Variants in PZP observed in about 807,000 individuals in gnomAD.
The protein encoded by PZP is pregnancy zone protein.
A neutral mutation model predicts 179.8 loss-of-function variants in PZP; 150 were observed. That is an observed-to-expected ratio of 0.83 (90% CI 0.73 to 0.96). The LOEUF (loss-of-function observed/expected upper bound fraction) is 0.96, where lower values mean the gene tolerates loss of function less well. Ranked by LOEUF, PZP falls within the 40% of genes least tolerant of loss-of-function variation. PZP has a pLI of 0.00. For missense variants in PZP, 1,689 were observed against 1,764.0 expected (o/e 0.96, Z 0.76); for synonymous variants, 624 against 652.3 (o/e 0.96, Z 0.66).
In PZP at chr12:9,154,753, C is replaced by G. The variant is rs1940621677; in HGVS notation, c.3637G>C (p.Glu1213Gln). Reference sequence around the variant, plus strand: ...GCGAGGAGCACATAGGATGTCATCTCCACCTCAGCAGAGGGAGCCTGGGTT... The same window carrying G: ...GCGAGGAGCACATAGGATGTCATCTGCACCTCAGCAGAGGGAGCCTGGGTT... ...YQTQAPSAEVEMTSYVLLAYL... is the reference protein window; with the variant it reads ...YQTQAPSAEVQMTSYVLLAYL... Residue 1213 changes from glutamate (E) to glutamine (Q), a missense_variant, in exon 29 of 36, where the codon GAG becomes CAG. Physicochemically the swap from Glu to Gln is conservative, Grantham distance 29. Coordinates refer to ENST00000261336, the MANE Select transcript of PZP (RefSeq NM_002864.3). 5 of 1,613,984 alleles carry G rather than the reference C, an allele frequency of 3.1e-6. No individual in the cohort carries two copies. The highest frequency in any genetic ancestry group is 1.3e-5 in the African/African-American group (1 of 74,896).
In PZP at chr12:9,161,122, G is replaced by C. The variant is rs1941172749; in HGVS notation, c.2789-6C>G. 1 of 1,550,026 alleles carries C rather than the reference G, an allele frequency of 6.5e-7. No homozygotes were observed. Reference sequence around the variant, plus strand: ...CTGCTCAGACACATTAGCACCTTTAGAAACAGACAGCCCATGTTAAAGGAG... The same window carrying C: ...CTGCTCAGACACATTAGCACCTTTACAAACAGACAGCCCATGTTAAAGGAG... On this transcript the variant is annotated splice_polypyrimidine_tract_variant and splice_region_variant and intron_variant, in intron 22 of 35. Coordinates refer to ENST00000261336, the MANE Select transcript of PZP (RefSeq NM_002864.3).
chr12:9,175,812 T>G (rs1942323657), intron 15 of PZP, among the ~76,000 whole-genome samples: 1 of 152,038 alleles, frequency 6.6e-6, no homozygotes, highest in Non-Finnish European at 1.5e-5. Flanking sequence ...AAACAACAGA[T>G]GCTGATGAGG....
chr12:9,186,844 C>T (rs1313151055), intron 13 of PZP, among the ~76,000 whole-genome samples: 1 of 120,142 alleles, frequency 8.3e-6, no homozygotes, highest in Non-Finnish European at 1.7e-5. Context: ...CACACTGGGG[C>T]CTGTCGGGGG....
chr12:9,205,563 T>A (rs1165058181), intron 1 of PZP, among the ~76,000 whole-genome samples: 1 of 152,172 alleles, frequency 6.6e-6, no homozygotes, highest in Non-Finnish European at 1.5e-5. Flanking sequence ...CCTGCCCCCA[T>A]GCCAAATCAG....
At position 9,166,132 on chromosome 12, in the gene PZP, A is replaced by G. The variant is rs769087192; in HGVS notation, c.2178T>C (p.Asn726=). The G allele has an allele frequency of 6.2e-7, 1 of 1,614,060 alleles. No homozygotes were observed. Reference sequence around the variant, plus strand: ...CAGGGACTGGCCCTGAACTTTGTTCATTATTTAAGGGTATCACATTATATG... The same window carrying G: ...CAGGGACTGGCCCTGAACTTTGTTCGTTATTTAAGGGTATCACATTATATG... ...LGTYNVIPLN[N]EQSSGPVPET... The change falls in exon 18 of 36, where the codon AAT becomes AAC. Residue 726 remains asparagine, a synonymous_variant. Coordinates refer to ENST00000261336, the MANE Select transcript of PZP (RefSeq NM_002864.3).
chr12:9,206,249 T>C (rs900667112), intron 1 of PZP, among the ~76,000 whole-genome samples: 1 of 151,406 alleles, frequency 6.6e-6, no homozygotes. Context: ...TAAGAAGGTA[T>C]ATATATATTT....
chr12:9,194,441 T>C (rs966608638), intron 10 of PZP, among the ~76,000 whole-genome samples: 1 of 151,430 alleles, frequency 6.6e-6, no homozygotes, highest in Non-Finnish European at 1.5e-5. Flanking sequence ...AACTTTGTAG[T>C]ATTTCCAGTA....
chr12:9,140,028 G>T, the PZP span, among the ~76,000 whole-genome samples: 2 of 152,198 alleles, frequency 1.3e-5, no homozygotes, highest in African/African-American at 4.8e-5. Flanking sequence ...CGGAGAGGAG[G>T]TTATCTTGGG....
chr12:9,170,049 G>C lies in PZP; in HGVS notation c.1840-458C>G, dbSNP rs1006093231. The C allele has an allele frequency of 6.6e-6, 1 of 152,426 alleles. No individual in the cohort carries two copies. The highest frequency in any genetic ancestry group is 1.5e-5 in the Non-Finnish European group (1 of 68,242). 9.4% of individuals were successfully genotyped at this position (152,426 alleles called of 1,614,324 possible). ...AGCAGCTGCGGTCTGCAGCACTTACGGAGTGGAATGAAAAAGCTTATTAAA... is the reference window on the plus strand; with the variant it reads ...AGCAGCTGCGGTCTGCAGCACTTACCGAGTGGAATGAAAAAGCTTATTAAA... On this transcript the variant is annotated intron_variant, in intron 15 of 35. Coordinates refer to ENST00000261336, the MANE Select transcript of PZP (RefSeq NM_002864.3). The surrounding 1 kb of genome is among the most constrained non-coding windows in gnomAD (Gnocchi z 4.6).
intron 15 of PZP, among the ~76,000 whole-genome samples, chr12:9,178,120 T>TC (rs946748029): frequency 1.3e-5 from 2 of 152,156 alleles, no homozygotes; most frequent in Admixed American, 6.5e-5. Context: ...ATTATAGCAA[T>TC]CCCCCAATCT....
rs754705521 is a variant in PZP, at chr12:9,196,666, A to T, written c.887T>A (p.Ile296Asn). ...FSQQLNSNGC[I>N]TQQVHTKMLQ... is the part of the protein sequence containing the mutation. The stretch of plus-strand genomic sequence containing the variant: ...CATTTTGGTGTGTACTTGTTGGGTG[A>T]TGCAGCCATTGCTGTTAAGCTGAGA... Residue 296 changes from isoleucine (I) to asparagine (N), a missense_variant, in exon 9 of 36, where the codon ATC becomes AAC. By Grantham distance (149) the Ile-to-Asn change is moderately radical. Coordinates refer to ENST00000261336, the MANE Select transcript of PZP (RefSeq NM_002864.3). 1.8e-5 allele frequency: 29 copies of T among 1,611,652 alleles called. No individual in the cohort carries two copies. Among genetic ancestry groups the T allele is most frequent in the Middle Eastern group, 1.6e-4 (1 of 6,076 alleles).
chr12:9,165,457 G>C, intron 18 of PZP, 90 bp from the exon 19 acceptor site: 1 of 1,417,646 alleles, frequency 7.1e-7, no homozygotes, highest in African/African-American at 1.4e-5. Context: ...CTAACGTCAA[G>C]AACTGAATCC....
chr12:9,141,892 T>A, the PZP span, among the ~76,000 whole-genome samples: 1 of 152,214 alleles, frequency 6.6e-6, no homozygotes, highest in Non-Finnish European at 1.5e-5. Flanking sequence ...GTGTCCTAGG[T>A]CTTACCTAGC....
chr12:9,182,756 A>G (rs1242796905), intron 13 of PZP, among the ~76,000 whole-genome samples: 1 of 152,200 alleles, frequency 6.6e-6, no homozygotes, highest in East Asian at 1.9e-4. Context: ...CAAAAGTTCC[A>G]TTTTCTGAAT....
Position 9,192,592 on chromosome 12 carries a change from G to A in PZP, c.1402C>T (p.His468Tyr). Residue 468 changes from histidine to tyrosine, a missense_variant, in exon 12 of 36, where the codon CAC (histidine) becomes TAC (tyrosine). By Grantham distance (83) the His-to-Tyr change is moderately conservative. This residue lies in a region of PZP where 742 missense variants were observed against 730.5 expected (regional missense o/e 1.02). Transcript: ENST00000261336. The part of the protein sequence containing the change: ...EPVAGTLPCG[H>Y]TETITAHYTL... ...TAGTGTGCCGTGATAGTCTCCGTGT[G>A]GCCACAGGGCAGGGTACCAGCCACA... 6.2e-7 allele frequency: 1 copy of A among 1,614,186 alleles called. No individual in the cohort carries two copies. The highest frequency in any genetic ancestry group is 8.5e-7 in the Non-Finnish European group (1 of 1,180,032).
chr12:9,145,228 C>T (rs751551448), downstream of PZP, among the ~76,000 whole-genome samples: 4 of 152,160 alleles, frequency 2.6e-5, no homozygotes, highest in Admixed American at 2.6e-4. Flanking sequence ...TTATGTTAGC[C>T]TTGTAATTAT....
At chr12:9,159,283 A>G (rs1446138780) in intron 25 of PZP, among the ~76,000 whole-genome samples, 1 of 152,080 alleles carries the variant, frequency 6.6e-6, no homozygotes, top group Non-Finnish European at 1.5e-5. Context: ...AGTGTTCTCA[A>G]TTTTGCCACT....
chr12:9,138,036 C>G, the PZP span, among the ~76,000 whole-genome samples: 1 of 151,984 alleles, frequency 6.6e-6, no homozygotes, highest in South Asian at 2.1e-4. Context: ...ACTGTTCTGG[C>G]TAGGGCTTTG....
chr12:9,180,122 G>A (rs982072719), intron 15 of PZP, among the ~76,000 whole-genome samples: 1 of 152,010 alleles, frequency 6.6e-6, no homozygotes, highest in Admixed American at 6.6e-5. Flanking sequence ...CTCAATAGAG[G>A]CTTATTTATT....
Sources: allele counts gnomAD v4.1 joint callset (sites outside exome capture counted in the v4.1 genomes callset), GRCh38; gene constraint gnomAD v4.1.1; regional missense constraint gnomAD v4.1.1; non-coding constraint Gnocchi (gnomAD v3.1); transcripts MANE v1.5; gene names NCBI Gene and HGNC (gene_info 2026-07-23, HGNC 2026-07-21).